UBE4B: variants seen among roughly 807,000 people sequenced by gnomAD.
The protein encoded by UBE4B is ubiquitination factor E4B, also known as ubiquitin conjugation factor E4 B.
Under a neutral mutation model 148.1 loss-of-function variants are expected in UBE4B, and 27 were observed. That is an observed-to-expected ratio of 0.18 (90% CI 0.13 to 0.25). The LOEUF is 0.25. Among genes scored for constraint, UBE4B ranks in the 10% least tolerant of loss-of-function variants. The pLI, the probability that UBE4B is intolerant of heterozygous loss-of-function variation, is 1.00. For missense variants in UBE4B, 1,170 were observed against 1,662.4 expected (o/e 0.70, Z 5.15); for synonymous variants, 596 against 619.3 (o/e 0.96, Z 0.56).
chr1:10,071,639 G>C (rs905772173), intron 1 of UBE4B, among the ~76,000 whole-genome samples: 9 of 152,150 alleles, frequency 5.9e-5, no homozygotes, highest in Admixed American at 5.2e-4. Context: ...AAGGAGGTGT[G>C]ATAAACAGAG....
intron 21 of UBE4B, among the ~76,000 whole-genome samples, chr1:10,157,796 T>TA (rs151250362): frequency 0.017 from 2,650 of 152,110 alleles, 34 homozygotes; most frequent in Non-Finnish European, 0.027. Context: ...ATAATAATAA[T>TA]AAAATTTGTC....
chr1:10,081,648 G>GCGTA (rs1165619430), intron 2 of UBE4B, among the ~76,000 whole-genome samples: 1 of 151,614 alleles, frequency 6.6e-6, no homozygotes, highest in Non-Finnish European at 1.5e-5. Flanking sequence ...GAGTGTAATG[G>GCGTA]CGTAATCTTG....
intron 2 of UBE4B, among the ~76,000 whole-genome samples, chr1:10,075,880 C>T (rs1291825695): frequency 2.0e-5 from 3 of 151,906 alleles, no homozygotes; most frequent in Admixed American, 6.6e-5. Flanking sequence ...AGCAAAACCC[C>T]GTCTCTACAA....
chr1:10,149,309 T>TAGAACTA, intron 20 of UBE4B, 27 bp downstream of exon 20: 1 of 1,524,562 alleles, frequency 6.6e-7, no homozygotes. Context: ...TTTTACATAG[T>TAGAACTA]TCTAATATGT....
intron 7 of UBE4B, among the ~76,000 whole-genome samples, chr1:10,111,852 G>C (rs968139138): frequency 1.3e-5 from 2 of 152,024 alleles, no homozygotes; most frequent in Admixed American, 1.3e-4. Context: ...AGCTACTAGA[G>C]AGGCTGAGGC....
At chr1:10,131,247 G>C (rs1462706621) in intron 14 of UBE4B, among the ~76,000 whole-genome samples, 1 of 150,966 alleles carries the variant, frequency 6.6e-6, no homozygotes, top group Non-Finnish European at 1.5e-5. Context: ...GAGGCCGAGT[G>C]GGGTGGATCA....
At chr1:10,093,426 G>A (rs1006108496) in intron 2 of UBE4B, among the ~76,000 whole-genome samples, 2 of 152,116 alleles carry the variant, frequency 1.3e-5, no homozygotes, top group Non-Finnish European at 2.9e-5. Context: ...TAGATGCTTT[G>A]TGTATTTTAC....
rs181120386 is a variant in UBE4B, at chr1:10,130,458, G to C, written c.1696-42G>C. The C allele has an allele frequency of 1.8e-3, 2,722 of 1,516,654 alleles. 3 individuals carry two copies. Among genetic ancestry groups the C allele is most frequent in the Middle Eastern group, 4.9e-3 (24 of 4,938 alleles). The allele number at this position is 1,516,654 out of a possible 1,614,324, so 93.9% of individuals were successfully genotyped here. A position where few individuals can be genotyped will look rare whatever the true frequency, so the allele number is the denominator to read the frequency against. ...TTTTCATTACATTTTTACCCCACCG[G>C]CCTGTTCAGCGGCTTGACTGGCTCT... On this transcript the variant is annotated intron_variant, in intron 12 of 27. Coordinates refer to ENST00000343090, the MANE Select transcript of UBE4B (RefSeq NM_001105562.3).
At chr1:10,098,046 T>G (rs879833644) in intron 3 of UBE4B, among the ~76,000 whole-genome samples, 2 of 151,954 alleles carry the variant, frequency 1.3e-5, no homozygotes, top group African/African-American at 2.4e-5. Flanking sequence ...AATTTTTGAA[T>G]TTTTAGTTGA....
intron 21 of UBE4B, among the ~76,000 whole-genome samples, chr1:10,157,172 G>A (rs2102001347): frequency 6.6e-6 from 1 of 152,226 alleles, no homozygotes; most frequent in South Asian, 2.1e-4. Context: ...ACACCACCAT[G>A]CCCTGCTAGT....
chr1:10,073,920 A>ATTTTTTT (rs947131085), intron 2 of UBE4B, among the ~76,000 whole-genome samples: 5 of 74,846 alleles, frequency 6.7e-5, no homozygotes, highest in African/African-American at 1.1e-4. Flanking sequence ...CTTTCTTTCT[A>ATTTTTTT]TTTTTTTTTT....
Position 10,168,816 on chromosome 1 carries a change from C to T in UBE4B, c.3333+546C>T, listed in dbSNP as rs1231506993. Among the ~76,000 whole-genome samples, 9 of 150,152 alleles carry T rather than the reference C, an allele frequency of 6.0e-5. No homozygotes were observed. The highest frequency in any genetic ancestry group is 2.0e-4 in the African/African-American group (8 of 40,672). ...CTGAGGCAGGAGAATGGCGTGAACC[C>T]GGGAGGCAGAGCTGGCAGTGAGCCG... On this transcript the variant is annotated intron_variant, in intron 24 of 27. Coordinates refer to ENST00000343090, the MANE Select transcript of UBE4B (RefSeq NM_001105562.3). The surrounding 1 kb of genome is among the most constrained non-coding windows in gnomAD (Gnocchi z 4.9).
In UBE4B at chr1:10,129,396, T is replaced by G. The variant is rs1216982603; in HGVS notation, c.1643T>G (p.Leu548Arg). 6.2e-7 allele frequency: 1 copy of G among 1,611,624 alleles called. No homozygotes were observed. The highest frequency in any genetic ancestry group is 8.5e-7 in the Non-Finnish European group (1 of 1,177,924). ...TGACTCTGATCTTATTTCTAGGCAC[T>G]AGGTGAGCTCTGTGAAACCAAGTTT... ...SDYFKYPLMA[L>R]GELCETKFGK... Residue 548 changes from leucine to arginine, a missense_variant, in exon 12 of 28, where the codon CTA becomes CGA. Transcript: ENST00000343090.
intron 1 of UBE4B, among the ~76,000 whole-genome samples, chr1:10,053,133 A>G (rs1007754204): frequency 6.6e-6 from 1 of 151,606 alleles, no homozygotes; most frequent in African/African-American, 2.4e-5. Flanking sequence ...ACAACCGTGC[A>G]TGGCTTTTAT....
At chr1:10,143,562 CA>C (rs1192114489) in intron 17 of UBE4B, among the ~76,000 whole-genome samples, 1 of 152,208 alleles carries the variant, frequency 6.6e-6, no homozygotes, top group Non-Finnish European at 1.5e-5. Flanking sequence ...CTTCCCATCT[CA>C]AATCCATACC....
At chr1:10,152,166 G>C (rs1645985988) in intron 21 of UBE4B, among the ~76,000 whole-genome samples, 1 of 151,702 alleles carries the variant, frequency 6.6e-6, no homozygotes, top group Admixed American at 6.6e-5. Flanking sequence ...GGTTGAGGGA[G>C]GAGAATTGCT....
At chr1:10,088,223 G>T (rs1347852174) in intron 2 of UBE4B, among the ~76,000 whole-genome samples, 3 of 152,106 alleles carry the variant, frequency 2.0e-5, no homozygotes, top group African/African-American at 7.2e-5. Flanking sequence ...GCATGATTCT[G>T]CCTTTTGACA....
chr1:10,057,872 T>C (rs1644206362), intron 1 of UBE4B, among the ~76,000 whole-genome samples: 1 of 152,208 alleles, frequency 6.6e-6, no homozygotes, highest in Non-Finnish European at 1.5e-5. Flanking sequence ...GAAGGTGACT[T>C]GCCTTGCCTG....
intron 18 of UBE4B, chr1:10,145,702 A>G (rs1188628297): frequency 6.6e-6 from 1 of 152,152 alleles, no homozygotes; most frequent in Admixed American, 6.5e-5. Context: ...ACACTCATCC[A>G]GTATATCTAG....
Sources: gnomAD v4.1 joint callset for allele counts (sites outside exome capture counted in the v4.1 genomes callset) on GRCh38, gnomAD v4.1.1 for gene constraint, Gnocchi (gnomAD v3.1) non-coding constraint, MANE v1.5 for transcripts, NCBI Gene and HGNC (gene_info 2026-07-23, HGNC 2026-07-21) for gene names.